Variants in ADAM22 observed in about 807,000 individuals in gnomAD.
ADAM22 encodes the protein ADAM metallopeptidase domain 22, also known as disintegrin and metalloproteinase domain-containing protein 22.
In ADAM22, 65 loss-of-function variants were observed where a neutral mutation model predicts 144.6. The ratio of observed to expected loss-of-function variants is 0.45; its 90% CI spans 0.37 to 0.55. ADAM22 has a LOEUF of 0.55. Among genes scored for constraint, ADAM22 ranks in the 20% least tolerant of loss-of-function variants. The pLI is 0.00. For synonymous variants in ADAM22, 391 were observed against 412.6 expected, an observed-to-expected ratio of 0.95 and a Z score of 0.63; for missense variants, 974 against 1,184.9, an observed-to-expected ratio of 0.82 and a Z score of 2.61.
At chr7:88,185,406 A>T (rs923616799) in intron 29 of ADAM22, among the ~76,000 whole-genome samples, 1 of 152,238 alleles carries the variant, frequency 6.6e-6, no homozygotes, top group Non-Finnish European at 1.5e-5. Flanking sequence ...TTCCATGTTT[A>T]TGACGAGCTC....
intron 24 of ADAM22, among the ~76,000 whole-genome samples, chr7:88,167,653 T>A (rs930952544): frequency 6.6e-6 from 1 of 152,180 alleles, no homozygotes; most frequent in African/African-American, 2.4e-5. Flanking sequence ...ATCACAGAAG[T>A]CTGTGGACAT....
chr7:87,998,879 C>T (rs1791871208), intron 3 of ADAM22, among the ~76,000 whole-genome samples: 1 of 152,144 alleles, frequency 6.6e-6, no homozygotes, highest in Non-Finnish European at 1.5e-5. Context: ...GCATGAACAT[C>T]ATTTGGTACA....
chr7:88,175,582 A>G (rs7778924), intron 26 of ADAM22, among the ~76,000 whole-genome samples: 20,380 of 152,182 alleles, frequency 0.13, 1,979 homozygotes, highest in East Asian at 0.48. Flanking sequence ...TTGTTCACTA[A>G]AAATCATACA....
intron 3 of ADAM22, among the ~76,000 whole-genome samples, chr7:87,997,430 A>G (rs918529158): frequency 6.6e-6 from 1 of 152,272 alleles, no homozygotes; most frequent in Non-Finnish European, 1.5e-5. Flanking sequence ...AAGTCTGGGT[A>G]CAGTGAAGCT....
intron 3 of ADAM22, among the ~76,000 whole-genome samples, chr7:87,983,169 C>T (rs80190758): frequency 1.3e-5 from 2 of 151,832 alleles, no homozygotes; most frequent in East Asian, 3.9e-4. Flanking sequence ...GATATTTTTG[C>T]CTCTTTTAAA....
At chr7:88,001,682 G>T (rs534026101) in intron 3 of ADAM22, among the ~76,000 whole-genome samples, 61 of 152,042 alleles carry the variant, frequency 4.0e-4, no homozygotes, top group African/African-American at 1.2e-3. Context: ...ACTGATTGTG[G>T]CCCACTGTGT....
intron 3 of ADAM22, among the ~76,000 whole-genome samples, chr7:88,035,600 A>G (rs1006143653): frequency 6.6e-5 from 10 of 152,252 alleles, no homozygotes; most frequent in Non-Finnish European, 1.3e-4. Flanking sequence ...TGTTCTGAAC[A>G]TGTATTGATT....
intron 30 of ADAM22, among the ~76,000 whole-genome samples, chr7:88,189,697 G>A (rs745547268): frequency 1.2e-4 from 18 of 152,166 alleles, no homozygotes; most frequent in Non-Finnish European, 2.6e-4. Context: ...TGTAATCCCA[G>A]CACTTTGGGA....
In ADAM22 at chr7:88,068,964, A is replaced by G. The variant is rs148756150; in HGVS notation, c.324-6662A>G. Among the ~76,000 whole-genome samples the G allele has an allele frequency of 5.2e-4, 79 of 152,234 alleles. 1 individual carries two copies. The East Asian group carries it at 0.015, about 29-fold the overall frequency. On this transcript the variant is annotated intron_variant, in intron 3 of 31. Coordinates refer to ENST00000413139, the MANE Select transcript of ADAM22 (RefSeq NM_001324418.2). Reference sequence around the variant, plus strand: ...AATATCATGTTGAAATTTAATTGCCATTGTAACAGTATGAAGAGGTGGGAC... The same window carrying G: ...AATATCATGTTGAAATTTAATTGCCGTTGTAACAGTATGAAGAGGTGGGAC...
chr7:88,025,880 A>ATTTTT (rs747720308), intron 3 of ADAM22, among the ~76,000 whole-genome samples: 1 of 151,938 alleles, frequency 6.6e-6, no homozygotes, highest in Non-Finnish European at 1.5e-5. Flanking sequence ...AAATTTTAGG[A>ATTTTT]TTGTTTTTAC....
chr7:87,936,902 TTAAG>T (rs1841370959), intron 2 of ADAM22, among the ~76,000 whole-genome samples: 15 of 151,514 alleles, frequency 9.9e-5, no homozygotes, highest in Admixed American at 9.9e-4. Flanking sequence ...GAGTATATAT[TTAAG>T]TAAGTTTGTC....
intron 3 of ADAM22, among the ~76,000 whole-genome samples, chr7:88,014,821 T>A (rs903857258): frequency 2.6e-5 from 4 of 152,188 alleles, no homozygotes; most frequent in Non-Finnish European, 5.9e-5. Flanking sequence ...TTCTAGTGAT[T>A]CCCAAATGCT....
At position 88,165,963 on chromosome 7, in the gene ADAM22, G is replaced by C; in HGVS notation, c.2191+17G>C. On this transcript the variant is annotated intron_variant, in intron 24 of 31. Transcript: ENST00000413139. ...CTGGCAATGGTAAGTACTTAATTTG[G>C]TAACATTATGTAGTCTTTATACACA... is the stretch of plus-strand genomic sequence containing the variant. 3.2e-6 allele frequency: 5 copies of C among 1,562,270 alleles called. No homozygotes were observed. Among genetic ancestry groups the C allele is most frequent in the Middle Eastern group, 1.7e-4 (1 of 5,942 alleles).
At chr7:87,978,897 C>T (rs1440840422) in intron 3 of ADAM22, among the ~76,000 whole-genome samples, 1 of 151,870 alleles carries the variant, frequency 6.6e-6, no homozygotes, top group Non-Finnish European at 1.5e-5. Context: ...TGGGATTATC[C>T]TGTGAATACA....
chr7:88,113,695 AATAAATAAATATATATATATAT>A lies in ADAM22; in HGVS notation c.474-885_474-864del, dbSNP rs1404566360. Among the ~76,000 whole-genome samples the A allele has an allele frequency of 3.8e-5, 2 of 52,242 alleles. 1 individual carries two copies. The highest frequency in any genetic ancestry group is 1.8e-4 in the African/African-American group (2 of 11,146). The allele number at this position is 52,242 out of a possible 152,430, so 34.3% of individuals were successfully genotyped here. ...ATATATAATATATATATTATAAATA[AATAAATAAATATATATATATAT>A]ATATATATATATATATATATATAGT... is the stretch of plus-strand genomic sequence containing the variant. On this transcript the variant is annotated intron_variant, in intron 5 of 31. Coordinates refer to ENST00000413139, the MANE Select transcript of ADAM22 (RefSeq NM_001324418.2).
intron 2 of ADAM22, among the ~76,000 whole-genome samples, chr7:87,965,300 T>A (rs1398444680): frequency 6.6e-6 from 1 of 152,226 alleles, no homozygotes; most frequent in Admixed American, 6.5e-5. Context: ...ATTTTTCTCT[T>A]CTTTTTTAGC....
At chr7:88,033,506 C>G (rs1800781612) in intron 3 of ADAM22, among the ~76,000 whole-genome samples, 1 of 152,244 alleles carries the variant, frequency 6.6e-6, no homozygotes, top group Admixed American at 6.5e-5. Flanking sequence ...CCAGAGCTAA[C>G]ATAGCACTGC....
At position 88,044,498 on chromosome 7, in the gene ADAM22, G is replaced by A. The variant is rs1007540728; in HGVS notation, c.324-31128G>A. Among the ~76,000 whole-genome samples the A allele has an allele frequency of 2.6e-5, 4 of 152,200 alleles. No individual in the cohort carries two copies. The South Asian group carries it at 8.3e-4, about 32-fold the overall frequency. On this transcript the variant is annotated intron_variant, in intron 3 of 31. Coordinates refer to ENST00000413139, the MANE Select transcript of ADAM22 (RefSeq NM_001324418.2). ...GTCTCACTCTGTCTCCCAGGCTGGAGTGCAGTGGCGCGGTCTCGGCTCACT... is the reference window on the plus strand; with the variant it reads ...GTCTCACTCTGTCTCCCAGGCTGGAATGCAGTGGCGCGGTCTCGGCTCACT...
At chr7:88,041,215 G>A (rs1803047557) in intron 3 of ADAM22, among the ~76,000 whole-genome samples, 1 of 151,990 alleles carries the variant, frequency 6.6e-6, no homozygotes, top group African/African-American at 2.4e-5. Flanking sequence ...AATATTCAAG[G>A]GGAAGGAATT....
Sources: gnomAD v4.1 joint callset for allele counts (sites outside exome capture counted in the v4.1 genomes callset) on GRCh38, gnomAD v4.1.1 for gene constraint, MANE v1.5 for transcripts, NCBI Gene and HGNC (gene_info 2026-07-23, HGNC 2026-07-21) for gene names.